The following GPRC5B variants were observed in gnomAD, a reference collection of about 807,000 sequenced individuals.
GPRC5B encodes the protein G protein-coupled receptor family C group 5 member B.
GPRC5B carries 16 observed loss-of-function variants against 30.1 expected under a neutral mutation model. The ratio of observed to expected loss-of-function variants is 0.53; its 90% CI spans 0.36 to 0.81. The LOEUF (loss-of-function observed/expected upper bound fraction) is 0.81. Among genes scored for constraint, GPRC5B ranks in the 30% least tolerant of loss-of-function variants. GPRC5B has a pLI of 0.01. For missense variants in GPRC5B, 428 were observed against 544.7 expected (o/e 0.79, Z 2.13); for synonymous variants, 241 against 239.5 (o/e 1.01, Z -0.06).
At chr16:19,876,424 T>C (rs1467043705) in intron 1 of GPRC5B, among the ~76,000 whole-genome samples, 1 of 152,030 alleles carries the variant, frequency 6.6e-6, no homozygotes, top group Non-Finnish European at 1.5e-5. Context: ...AAAGAGAGAA[T>C]CGATGGGGAA....
rs764469263 is a variant in GPRC5B at position 19,871,784 on chromosome 16, G to A, written c.1030+32C>T. ...TATCTTTTGAGATGAATGGTCCCCC[G>A]GCCTGACCCAGCCGGGTGGTGCCCA... On this transcript the variant is annotated intron_variant, in intron 2 of 3. Coordinates refer to ENST00000300571, the MANE Select transcript of GPRC5B (RefSeq NM_016235.3). The A allele has an allele frequency of 6.9e-6, 11 of 1,593,208 alleles. No homozygotes were observed. The East Asian group carries it at 1.1e-4, about 16-fold the overall frequency.
intron 1 of GPRC5B, among the ~76,000 whole-genome samples, chr16:19,875,822 T>G (rs942249033): frequency 2.0e-5 from 3 of 152,152 alleles, no homozygotes; most frequent in Admixed American, 6.6e-5. Flanking sequence ...CTCGTTGATG[T>G]AACCCATGTT....
At position 19,872,193 on chromosome 16, in the gene GPRC5B, G is replaced by T. The variant is rs1411414411; in HGVS notation, c.653C>A (p.Ala218Asp). The change falls in exon 2 of 4, where the codon GCC becomes GAC. Residue 218 changes from alanine to aspartate, a missense_variant. Ala to Asp is a moderately radical substitution (Grantham distance 126). Transcript: ENST00000300571. This position sits in a 1 kb window ranked among gnomAD's most constrained non-coding sequence, Gnocchi z 5.0. The part of the protein sequence containing the change: ...MVLLVVTLGL[A>D]LFTLCGKFKR... The stretch of plus-strand genomic sequence containing the variant: ...GAACTTGCCGCACAGAGTGAAGAGG[G>T]CCAGCCCCAGGGTGACCACAAGCAG... 1.2e-6 allele frequency: 2 copies of T among 1,614,128 alleles called. No individual in the cohort carries two copies. Among genetic ancestry groups the T allele is most frequent in the Non-Finnish European group, 1.7e-6 (2 of 1,180,016 alleles).
chr16:19,876,542 T>A (rs2056760525), intron 1 of GPRC5B, among the ~76,000 whole-genome samples: 1 of 152,004 alleles, frequency 6.6e-6, no homozygotes, highest in Admixed American at 6.6e-5. Context: ...GAGGGGGTTC[T>A]CTCTTTTCCA....
chr16:19,877,686 T>C (rs934369204), intron 1 of GPRC5B, among the ~76,000 whole-genome samples: 8 of 152,200 alleles, frequency 5.3e-5, no homozygotes, highest in Admixed American at 1.3e-4. Context: ...ATCCACATTA[T>C]AATTCTATAA....
At chr16:19,868,667 G>A (rs942909476) in intron 2 of GPRC5B, among the ~76,000 whole-genome samples, 8 of 152,168 alleles carry the variant, frequency 5.3e-5, no homozygotes, top group Non-Finnish European at 7.3e-5. Flanking sequence ...CAACAAACAC[G>A]GGCTTGCCAA....
rs1259782955 is a variant in GPRC5B at position 19,859,643 on chromosome 16, G to A, written c.*857C>T. ...CATTGGAGCTCTTGAAATGAATAAG[G>A]GAATAAAATTGGGAGAGGATTTGGA... On this transcript the variant is annotated 3_prime_UTR_variant, in exon 4 of 4. Transcript: ENST00000300571. 1.3e-5 allele frequency: 2 copies of A among 152,190 alleles called. No homozygotes were observed. The highest frequency in any genetic ancestry group is 2.9e-5 in the Non-Finnish European group (2 of 68,050). The allele number at this position is 152,190 out of a possible 1,614,324, so 9.4% of individuals were successfully genotyped here.
intron 2 of GPRC5B, among the ~76,000 whole-genome samples, chr16:19,868,380 AAAAAAAGAAAG>A (rs2056683733): frequency 6.6e-6 from 1 of 152,172 alleles, no homozygotes; most frequent in Non-Finnish European, 1.5e-5. Context: ...TCTCAAGAAA[AAAAAAAGAAAG>A]AAAAAAGAAA....
At position 19,861,922 on chromosome 16, in the gene GPRC5B, C is replaced by A. The variant is rs2056627638; in HGVS notation, c.1082G>T (p.Gly361Val). ...AGCGCTGGGTCTTTTCCCCAAGCTG[C>A]CACTGGGTCTTTTTCCCAAGCTGCC... ...PNGSLGKRPS[G>V]SLGKRPSAPF... Residue 361 changes from glycine (G) to valine (V), a missense_variant, in exon 3 of 4, where the codon GGC (glycine) becomes GTC (valine). By Grantham distance (109) the Gly-to-Val change is moderately radical. Transcript: ENST00000300571. The A allele has an allele frequency of 6.2e-7, 1 of 1,613,214 alleles. No homozygotes were observed. Among genetic ancestry groups the A allele is most frequent in the African/African-American group, 1.3e-5 (1 of 74,886 alleles).
chr16:19,884,901 T>C (rs2056838976), upstream of GPRC5B: 1 of 961,688 alleles, frequency 1.0e-6, no homozygotes, highest in Non-Finnish European at 1.2e-6. Context: ...CCCGCGCTGC[T>C]GCAGCGGCCG....
chr16:19,866,662 G>A (rs1364716761), intron 2 of GPRC5B, among the ~76,000 whole-genome samples: 4 of 152,188 alleles, frequency 2.6e-5, no homozygotes, highest in Non-Finnish European at 5.9e-5. Context: ...TTACAGAGGC[G>A]TGAGCCAGCG....
At position 19,857,521 on chromosome 16, in the gene GPRC5B, T is replaced by TA. The variant is rs1258661874; in HGVS notation, c.*2978dup. 1.7e-5 allele frequency: 7 copies of TA among 409,272 alleles called. No homozygotes were observed. The highest frequency in any genetic ancestry group is 2.3e-5 in the Non-Finnish European group (5 of 213,528). The allele number at this position is 409,272 out of a possible 1,614,324, so 25.4% of individuals were successfully genotyped here. Reference sequence around the variant, plus strand: ...AACACACATTAATGCATTTAATAAATATATATTATCTATCAAAAGTGAGCC... The same window carrying TA: ...AACACACATTAATGCATTTAATAAATAATATATTATCTATCAAAAGTGAGCC... On this transcript the variant is annotated 3_prime_UTR_variant, in exon 4 of 4. Transcript: ENST00000300571.
chr16:19,875,184 C>T (rs1263787715), intron 1 of GPRC5B, among the ~76,000 whole-genome samples: 1 of 152,188 alleles, frequency 6.6e-6, no homozygotes, highest in Non-Finnish European at 1.5e-5. Flanking sequence ...CTGGGGCTGT[C>T]GGGCTCATGT....
At chr16:19,879,836 T>C (rs2056790178) in intron 1 of GPRC5B, among the ~76,000 whole-genome samples, 1 of 152,100 alleles carries the variant, frequency 6.6e-6, no homozygotes, top group Non-Finnish European at 1.5e-5. Flanking sequence ...AAGGTGTCTA[T>C]TAAATACATA....
intron 2 of GPRC5B, among the ~76,000 whole-genome samples, chr16:19,865,624 G>A (rs559240504): frequency 1.3e-5 from 2 of 152,274 alleles, no homozygotes; most frequent in South Asian, 4.2e-4. Context: ...CCCACATTTA[G>A]AAAAATTTTT....
chr16:19,867,124 G>A (rs967456811), intron 2 of GPRC5B, among the ~76,000 whole-genome samples: 7 of 152,326 alleles, frequency 4.6e-5, no homozygotes, highest in Middle Eastern at 3.4e-3. Flanking sequence ...TCTGTAAAAC[G>A]GGTCTTATAG....
Position 19,857,600 on chromosome 16 carries a change from T to A in GPRC5B, c.*2900A>T. On this transcript the variant is annotated 3_prime_UTR_variant, in exon 4 of 4. Coordinates refer to ENST00000300571, the MANE Select transcript of GPRC5B (RefSeq NM_016235.3). Reference sequence around the variant, plus strand: ...CCTGCTGAGAACTCCTGTAAGCTGGTATCATCATTGCATCATTGGATTATA... The same window carrying A: ...CCTGCTGAGAACTCCTGTAAGCTGGAATCATCATTGCATCATTGGATTATA... 3.0e-6 allele frequency: 1 copy of A among 335,820 alleles called. No individual in the cohort carries two copies. The allele number at this position is 335,820 out of a possible 1,614,324, so 20.8% of individuals were successfully genotyped here.
rs1336227052 is a variant in GPRC5B, at chr16:19,861,405, T to C, written c.1167+432A>G. 2.6e-5 allele frequency among the ~76,000 whole-genome samples: 4 copies of C among 152,138 alleles called. No individual in the cohort carries two copies. In the East Asian group the frequency reaches 7.7e-4, roughly 29 times the overall value. ...AACTGCTTCAATTTCTTAAGACATCTCTTAGGGAATGGGAGAACCTGGTAC... is the reference window on the plus strand; with the variant it reads ...AACTGCTTCAATTTCTTAAGACATCCCTTAGGGAATGGGAGAACCTGGTAC... On this transcript the variant is annotated intron_variant, in intron 3 of 3. Coordinates refer to ENST00000300571, the MANE Select transcript of GPRC5B (RefSeq NM_016235.3).
rs1374957056 is a variant in GPRC5B at position 19,857,409 on chromosome 16, G to A, written c.*3091C>T. The A allele has an allele frequency of 4.6e-6, 2 of 434,566 alleles. 1 individual carries two copies. The highest frequency in any genetic ancestry group is 1.1e-3 in the Middle Eastern group (2 of 1,750). The allele number at this position is 434,566 out of a possible 1,614,324, so 26.9% of individuals were successfully genotyped here. On this transcript the variant is annotated 3_prime_UTR_variant, in exon 4 of 4. Coordinates refer to ENST00000300571, the MANE Select transcript of GPRC5B (RefSeq NM_016235.3). ...TGTAATATTTATATAGTCGTTTATGGTACATATTGATTGTCTTGAAATTTC... is the reference window on the plus strand; with the variant it reads ...TGTAATATTTATATAGTCGTTTATGATACATATTGATTGTCTTGAAATTTC...
Sources: gnomAD v4.1 joint callset for allele counts (sites outside exome capture counted in the v4.1 genomes callset) on GRCh38, gnomAD v4.1.1 for gene constraint, Gnocchi (gnomAD v3.1) non-coding constraint, MANE v1.5 for transcripts, NCBI Gene and HGNC (gene_info 2026-07-23, HGNC 2026-07-21) for gene names.